The following PTPRF variants were observed in gnomAD, a reference collection of about 807,000 sequenced individuals.
The protein encoded by PTPRF is protein tyrosine phosphatase receptor type F.
In PTPRF, 59 loss-of-function variants were observed where a neutral mutation model predicts 201.8. The observed-to-expected ratio is 0.29, with a 90% CI of 0.24 to 0.36. The LOEUF is 0.36. PTPRF is among the 10% of genes least tolerant of loss of function. The pLI is 1.00. For synonymous variants in PTPRF, 1,088 were observed against 1,089.7 expected, an observed-to-expected ratio of 1.00 and a Z score of 0.03; for missense variants, 2,132 against 2,690.5, an observed-to-expected ratio of 0.79 and a Z score of 4.59.
At chr1:43,585,493 G>T (rs1481683719) in intron 7 of PTPRF, among the ~76,000 whole-genome samples, 1 of 152,180 alleles carries the variant, frequency 6.6e-6, no homozygotes, top group African/African-American at 2.4e-5. Flanking sequence ...CTGGACCTGA[G>T]GCCCTTGCTT....
At chr1:43,613,737 C>G in intron 23 of PTPRF, 22 bp downstream of exon 23, 1 of 1,603,160 alleles carries the variant, frequency 6.2e-7, no homozygotes, top group Non-Finnish European at 8.5e-7. Context: ...CCGCCCCCTA[C>G]CATGTGCCTG....
chr1:43,602,088 C>T lies in PTPRF; in HGVS notation c.2331C>T (p.Ser777=), dbSNP rs753146962. The change falls in exon 14 of 34, where the codon TCC becomes TCT. Residue 777 remains serine, a synonymous_variant. Transcript: ENST00000359947. ...LAEAQWRPEE[S]EDYETTISGL... is the part of the protein sequence containing the mutation. The stretch of plus-strand genomic sequence containing the variant: ...GCGGTCAGTGGCGGCCAGAGGAGTC[C>T]GAGGACTATGTAAGTAACAGGTGTG... 24 of 1,613,648 alleles carry T rather than the reference C, an allele frequency of 1.5e-5. No individual in the cohort carries two copies. The Admixed American group carries it at 3.5e-4, about 24-fold the overall frequency.
At chr1:43,593,930 G>A (rs1224481349) in intron 11 of PTPRF, among the ~76,000 whole-genome samples, 5 of 152,048 alleles carry the variant, frequency 3.3e-5, no homozygotes, top group African/African-American at 9.7e-5. Context: ...AGGTTGCAGT[G>A]AGCCGAGATG....
Position 43,569,693 on chromosome 1 carries a change from T to C in PTPRF, c.483T>C (p.Asn161=), listed in dbSNP as rs1646439417. 1 of 1,613,874 alleles carries C rather than the reference T, an allele frequency of 6.2e-7. No individual in the cohort carries two copies. The highest frequency in any genetic ancestry group is 1.7e-5 in the Admixed American group (1 of 59,992). Residue 161 remains asparagine (N), a synonymous_variant, in exon 6 of 34, where the codon AAT becomes AAC. Coordinates refer to ENST00000359947, the MANE Select transcript of PTPRF (RefSeq NM_002840.5). ...CCATGCTATGTGCCGCAGGCGGAAA[T>C]CCAGACCCTGAGATTTCTTGGTTCA... ...TATMLCAAGG[N]PDPEISWFKD... is the part of the protein sequence containing the mutation.
Position 43,603,298 on chromosome 1 carries a change from C to G in PTPRF, c.2341-118C>G. 1 of 881,040 alleles carries G rather than the reference C, an allele frequency of 1.1e-6. No homozygotes were observed. The allele number at this position is 881,040 out of a possible 1,614,324, so 54.6% of individuals were successfully genotyped here. On this transcript the variant is annotated intron_variant, in intron 14 of 33. Transcript: ENST00000359947. The surrounding 1 kb of genome is among the most constrained non-coding windows in gnomAD (Gnocchi z 5.8). ...CACCATTGTATAGCCCCACCTTCCA[C>G]AACCCCTGGCCTTGTGTGCCCCGGG... is the stretch of plus-strand genomic sequence containing the variant.
intron 7 of PTPRF, among the ~76,000 whole-genome samples, chr1:43,584,941 C>A (rs1021430969): frequency 6.6e-6 from 1 of 152,228 alleles, no homozygotes; most frequent in Non-Finnish European, 1.5e-5. Flanking sequence ...CCGCACCGCC[C>A]TATTATAGGG....
intron 5 of PTPRF, among the ~76,000 whole-genome samples, chr1:43,566,128 G>GC (rs1432685091): frequency 6.6e-6 from 1 of 152,180 alleles, no homozygotes; most frequent in African/African-American, 2.4e-5. Context: ...AGCCGTGCCG[G>GC]CCGAGGCGTG....
chr1:43,619,075 C>T lies in PTPRF; in HGVS notation c.4519C>T (p.Arg1507Cys), dbSNP rs1218164234. 3.7e-6 allele frequency: 6 copies of T among 1,613,780 alleles called. No homozygotes were observed. The highest frequency in any genetic ancestry group is 2.7e-5 in the African/African-American group (2 of 74,852). Residue 1507 changes from arginine (R) to cysteine (C), a missense_variant, in exon 27 of 34, where the codon CGT (arginine) becomes TGT (cysteine). By Grantham distance (180) the Arg-to-Cys change is radical. This residue lies in a region of PTPRF where 519 missense variants were observed against 659.5 expected (regional missense o/e 0.79). Coordinates refer to ENST00000359947, the MANE Select transcript of PTPRF (RefSeq NM_002840.5). ...TGGCTCCAGTGAGAAGCGCGAGCTGCGTCAGTTTCAGTTCATGGCCTGGCC... is the reference window on the plus strand; with the variant it reads ...TGGCTCCAGTGAGAAGCGCGAGCTGTGTCAGTTTCAGTTCATGGCCTGGCC... ...KSGSSEKRELRQFQFMAWPDH... is the reference protein window; with the variant it reads ...KSGSSEKRELCQFQFMAWPDH...
At chr1:43,582,996 C>T (rs994551357) in intron 7 of PTPRF, 18 of 912,846 alleles carry the variant, frequency 2.0e-5, no homozygotes, top group African/African-American at 1.6e-4. Flanking sequence ...CCTGTTTTTA[C>T]TCTCTCTGTG....
chr1:43,601,645 A>G (rs1653769948), intron 13 of PTPRF, among the ~76,000 whole-genome samples: 1 of 152,200 alleles, frequency 6.6e-6, no homozygotes, highest in Admixed American at 6.5e-5. Flanking sequence ...GGACTGTCCG[A>G]GGCAAACCAG....
chr1:43,596,643 T>C (rs1157037661), intron 11 of PTPRF, among the ~76,000 whole-genome samples: 1 of 152,084 alleles, frequency 6.6e-6, no homozygotes, highest in East Asian at 1.9e-4. Flanking sequence ...AGAGACTGTT[T>C]CCAGGCAGGC....
intron 6 of PTPRF, among the ~76,000 whole-genome samples, chr1:43,575,295 T>G (rs10789436): frequency 0.8 from 121,492 of 152,170 alleles, 49,231 homozygotes; most frequent in African/African-American, 0.92. Context: ...CCAGGCCAAA[T>G]TGGGGAAGTT....
rs754700311 is a variant in PTPRF, at chr1:43,606,273, C to G, written c.3517C>G (p.Gln1173Glu). The G allele has an allele frequency of 2.5e-6, 4 of 1,613,664 alleles. No individual in the cohort carries two copies. The highest frequency in any genetic ancestry group is 1.1e-5 in the South Asian group (1 of 91,062). The change falls in exon 20 of 34, where the codon CAG becomes GAG. Residue 1173 changes from glutamine to glutamate, a missense_variant. Gln to Glu is a conservative substitution (Grantham distance 29, BLOSUM62 2). Transcript: ENST00000359947. ...AGCCATCGAGCAAGGCGGAGAGGAG[C>G]AGCGGCGGCGGCGGCGGCAGGCAGA... ...LEAIEQGGEE[Q>E]RRRRRQAERL...
chr1:43,547,509 G>T (rs545286962), intron 3 of PTPRF, among the ~76,000 whole-genome samples: 1 of 152,350 alleles, frequency 6.6e-6, no homozygotes, highest in South Asian at 2.1e-4. Context: ...CACAGTTTTG[G>T]ATCTCTCCCT....
At chr1:43,592,739 T>A in intron 11 of PTPRF, 138 bp downstream of exon 11, 1 of 1,105,438 alleles carries the variant, frequency 9.0e-7, no homozygotes, top group Non-Finnish European at 1.2e-6. Context: ...GCCTGGGCTC[T>A]GAGTCTGGGC....
intron 11 of PTPRF, among the ~76,000 whole-genome samples, chr1:43,596,579 G>T (rs991013467): frequency 6.6e-6 from 1 of 152,208 alleles, no homozygotes; most frequent in Non-Finnish European, 1.5e-5. Context: ...CACGCCAGGG[G>T]CTGTTGGCCT....
chr1:43,522,428 G>T (rs1224409193), upstream of PTPRF, among the ~76,000 whole-genome samples: 1 of 152,152 alleles, frequency 6.6e-6, no homozygotes, highest in South Asian at 2.1e-4. Context: ...AGATATTGAG[G>T]ATAACAATAG....
At position 43,598,899 on chromosome 1, in the gene PTPRF, C is replaced by T. The variant is rs1319886203; in HGVS notation, c.2299C>T (p.Leu767=). Residue 767 remains leucine (L), a synonymous_variant, in exon 13 of 34, where the codon CTA becomes TTA. Coordinates refer to ENST00000359947, the MANE Select transcript of PTPRF (RefSeq NM_002840.5). The part of the protein sequence containing the change: ...RGLPIIQDVM[L]AEAQWRPEES... ...ACTCCCCATCATCCAAGACGTCATG[C>T]TAGCCGAGGCCCAGGTGCAGCATTG... The T allele has an allele frequency of 4.3e-6, 7 of 1,613,436 alleles. No homozygotes were observed. The Admixed American group carries it at 1.2e-4, about 27-fold the overall frequency.
In PTPRF at chr1:43,542,537, G is replaced by A. The variant is rs1041295961; in HGVS notation, c.-45-2494G>A. 6.6e-6 allele frequency among the ~76,000 whole-genome samples: 1 copy of A among 152,122 alleles called. No individual in the cohort carries two copies. Among genetic ancestry groups the A allele is most frequent in the African/African-American group, 2.4e-5 (1 of 41,402 alleles). The stretch of plus-strand genomic sequence containing the variant: ...GAGGCCCAAGTTCTCCAACACCCAT[G>A]GCCAGACTCTCATCCAGGCTTGTAC... On this transcript the variant is annotated intron_variant, in intron 2 of 33. Transcript: ENST00000359947. This position sits in a 1 kb window ranked among gnomAD's most constrained non-coding sequence, Gnocchi z 5.2.
Sources: allele counts gnomAD v4.1 joint callset (sites outside exome capture counted in the v4.1 genomes callset), GRCh38; gene constraint gnomAD v4.1.1; regional missense constraint gnomAD v4.1.1; non-coding constraint Gnocchi (gnomAD v3.1); transcripts MANE v1.5; gene names NCBI Gene and HGNC (gene_info 2026-07-23, HGNC 2026-07-21).